BTBD9: variants seen among roughly 807,000 people sequenced by gnomAD.
BTBD9 encodes the protein BTB domain containing 9.
In BTBD9, 49 loss-of-function variants were observed where a neutral mutation model predicts 64.3. That is an observed-to-expected ratio of 0.76 (90% CI 0.61 to 0.97). BTBD9 has a LOEUF of 0.97. BTBD9 is among the 50% of genes least tolerant of loss of function. BTBD9 has a pLI of 0.00. For synonymous variants in BTBD9, 260 were observed against 274.7 expected, an observed-to-expected ratio of 0.95 and a Z score of 0.53; for missense variants, 598 against 762.1, an observed-to-expected ratio of 0.78 and a Z score of 2.53.
At position 38,172,672 on chromosome 6, in the gene BTBD9, AC is replaced by A. The variant is rs1460203642; in HGVS notation, c.*2312del. The stretch of plus-strand genomic sequence containing the variant: ...ACCAATGACATCTACTGTTAGTGCC[AC>A]CCCATCGTCCCCATACTTCTCTTTA... On this transcript the variant is annotated 3_prime_UTR_variant, in exon 11 of 11. Coordinates refer to ENST00000481247, the MANE Select transcript of BTBD9 (RefSeq NM_001099272.2). 2 of 152,326 alleles carry A rather than the reference AC, an allele frequency of 1.3e-5. No individual in the cohort carries two copies. Among genetic ancestry groups the A allele is most frequent in the East Asian group, 3.9e-4 (2 of 5,172 alleles). 9.4% of individuals were successfully genotyped at this position (152,326 alleles called of 1,614,324 possible).
chr6:38,473,641 C>T (rs1192627808), intron 6 of BTBD9, among the ~76,000 whole-genome samples: 5 of 152,176 alleles, frequency 3.3e-5, no homozygotes, highest in East Asian at 1.9e-4. Flanking sequence ...TTCATTCTTT[C>T]GCCCCTACCA....
At chr6:38,227,909 T>C (rs993286717) in intron 9 of BTBD9, among the ~76,000 whole-genome samples, 1 of 152,070 alleles carries the variant, frequency 6.6e-6, no homozygotes, top group Non-Finnish European at 1.5e-5. Context: ...TTCTGGAAAA[T>C]GAGAAACTAC....
At chr6:38,376,628 T>C (rs914562040) in intron 6 of BTBD9, among the ~76,000 whole-genome samples, 7 of 152,208 alleles carry the variant, frequency 4.6e-5, no homozygotes, top group Admixed American at 1.3e-4. Flanking sequence ...GAAATCATTA[T>C]ATAAATCATT....
At chr6:38,601,194 T>A (rs1777227707) in intron 1 of BTBD9, among the ~76,000 whole-genome samples, 1 of 152,202 alleles carries the variant, frequency 6.6e-6, no homozygotes, top group Non-Finnish European at 1.5e-5. Flanking sequence ...GACTCTATAT[T>A]GTTGTAGGTT....
At chr6:38,224,413 T>C (rs765110469) in intron 9 of BTBD9, among the ~76,000 whole-genome samples, 3 of 152,182 alleles carry the variant, frequency 2.0e-5, no homozygotes, top group Non-Finnish European at 4.4e-5. Flanking sequence ...GGCCATCTCA[T>C]TATGATGAGA....
intron 6 of BTBD9, among the ~76,000 whole-genome samples, chr6:38,541,562 C>T (rs1195561276): frequency 6.6e-6 from 1 of 152,168 alleles, no homozygotes; most frequent in African/African-American, 2.4e-5. Context: ...TATGGCGAAG[C>T]CCCGTCTCTA....
intron 9 of BTBD9, among the ~76,000 whole-genome samples, chr6:38,197,792 C>G (rs1262180485): frequency 1.3e-5 from 2 of 152,168 alleles, no homozygotes; most frequent in Non-Finnish European, 2.9e-5. Context: ...AAAACAGAAG[C>G]CTTGCTCAAA....
intron 6 of BTBD9, among the ~76,000 whole-genome samples, chr6:38,478,638 G>C (rs1771000119): frequency 6.6e-6 from 1 of 152,166 alleles, no homozygotes; most frequent in Non-Finnish European, 1.5e-5. Flanking sequence ...GAAGATAAGT[G>C]GGTTCTTGGC....
chr6:38,376,859 G>A (rs888116541), intron 6 of BTBD9, among the ~76,000 whole-genome samples: 1 of 152,140 alleles, frequency 6.6e-6, no homozygotes, highest in Non-Finnish European at 1.5e-5. Flanking sequence ...CAACAGACTG[G>A]ATAATTAGAA....
At chr6:38,292,200 G>T (rs1300080685) in intron 7 of BTBD9, among the ~76,000 whole-genome samples, 3 of 152,102 alleles carry the variant, frequency 2.0e-5, no homozygotes, top group African/African-American at 7.2e-5. Context: ...CTGACCTCAG[G>T]TGATCCACCA....
intron 7 of BTBD9, among the ~76,000 whole-genome samples, chr6:38,318,713 A>C (rs1006318274): frequency 6.6e-6 from 1 of 152,190 alleles, no homozygotes; most frequent in African/African-American, 2.4e-5. Flanking sequence ...GCTAGGTCAG[A>C]CCTGAGGCCA....
At chr6:38,603,591 A>C (rs780738630) in intron 1 of BTBD9, among the ~76,000 whole-genome samples, 5 of 152,214 alleles carry the variant, frequency 3.3e-5, no homozygotes, top group Non-Finnish European at 5.9e-5. Context: ...CTTTAACCAG[A>C]GCTAACTACA....
chr6:38,395,267 C>CA (rs1341746974), intron 6 of BTBD9, among the ~76,000 whole-genome samples: 12 of 149,900 alleles, frequency 8.0e-5, no homozygotes, highest in South Asian at 2.1e-4. Context: ...CCTGCCTCTA[C>CA]AAAAAAAAAA....
At chr6:38,519,730 TTGAGTTGTC>T (rs1425679017) in intron 6 of BTBD9, among the ~76,000 whole-genome samples, 4 of 152,188 alleles carry the variant, frequency 2.6e-5, no homozygotes, top group Non-Finnish European at 5.9e-5. Context: ...TGAAAGAGTT[TTGAGTTGTC>T]TGAGTTGTCT....
chr6:38,430,926 G>C (rs773246164), intron 6 of BTBD9, among the ~76,000 whole-genome samples: 23 of 151,978 alleles, frequency 1.5e-4, no homozygotes, highest in Non-Finnish European at 3.4e-4. Flanking sequence ...AGCGTCATTT[G>C]ATGTGGTTGA....
intron 6 of BTBD9, among the ~76,000 whole-genome samples, chr6:38,487,286 T>G (rs1771483057): frequency 6.6e-6 from 1 of 152,032 alleles, no homozygotes; most frequent in African/African-American, 2.4e-5. Context: ...AAGACCTACC[T>G]TAGGAGGGGG....
At chr6:38,538,162 G>C (rs1774109270) in intron 6 of BTBD9, among the ~76,000 whole-genome samples, 1 of 152,140 alleles carries the variant, frequency 6.6e-6, no homozygotes, top group Non-Finnish European at 1.5e-5. Context: ...CAAATTTATA[G>C]TACTGAAGTA....
chr6:38,635,071 C>A (rs1778484441), intron 1 of BTBD9, among the ~76,000 whole-genome samples: 1 of 152,162 alleles, frequency 6.6e-6, no homozygotes, highest in African/African-American at 2.4e-5. Flanking sequence ...TCCACACCTA[C>A]TTAATCAGAA....
chr6:38,383,930 G>C (rs1455426160), intron 6 of BTBD9, among the ~76,000 whole-genome samples: 1 of 152,176 alleles, frequency 6.6e-6, no homozygotes, highest in Non-Finnish European at 1.5e-5. Flanking sequence ...GGATGACTGA[G>C]TGGGCTGTGG....
Sources: gnomAD v4.1 joint callset for allele counts (sites outside exome capture counted in the v4.1 genomes callset) on GRCh38, gnomAD v4.1.1 for gene constraint, MANE v1.5 for transcripts, NCBI Gene and HGNC (gene_info 2026-07-23, HGNC 2026-07-21) for gene names.